The following ADAM22 variants were observed in gnomAD, a reference collection of about 807,000 sequenced individuals.
ADAM22 encodes ADAM metallopeptidase domain 22, also known as disintegrin and metalloproteinase domain-containing protein 22.
In ADAM22, 65 loss-of-function variants were observed where a neutral mutation model predicts 144.6. That is an observed-to-expected ratio of 0.45 (90% CI 0.37 to 0.55). The LOEUF (loss-of-function observed/expected upper bound fraction) is 0.55. ADAM22 is among the 20% of genes least tolerant of loss of function. The pLI is 0.00. For missense variants in ADAM22, 974 were observed against 1,184.9 expected (o/e 0.82, Z 2.61); for synonymous variants, 391 against 412.6 (o/e 0.95, Z 0.63).
intron 26 of ADAM22, among the ~76,000 whole-genome samples, chr7:88,172,790 A>C: frequency 6.6e-6 from 1 of 152,078 alleles, no homozygotes; most frequent in African/African-American, 2.4e-5. Context: ...AAGAACAACC[A>C]GATTTCTTCA....
intron 2 of ADAM22, 144 bp downstream of exon 2, chr7:87,935,330 T>C: frequency 3.0e-6 from 3 of 988,136 alleles, no homozygotes; most frequent in Non-Finnish European, 4.3e-6. Flanking sequence ...TGGCGCTCCC[T>C]GTGCAAAAAA....
At chr7:88,005,320 A>AG (rs981766458) in intron 3 of ADAM22, among the ~76,000 whole-genome samples, 2 of 152,102 alleles carry the variant, frequency 1.3e-5, no homozygotes, top group Admixed American at 6.6e-5. Flanking sequence ...GGGCCAGGGG[A>AG]GGTGGGGAGC....
Position 87,982,670 on chromosome 7 carries a change from CAT to C in ADAM22, c.323+4286_323+4287del, listed in dbSNP as rs3086405. On this transcript the variant is annotated intron_variant, in intron 3 of 31. Coordinates refer to ENST00000413139, the MANE Select transcript of ADAM22 (RefSeq NM_001324418.2). Reference sequence around the variant, plus strand: ...ATTTATTCATCAGATTCAGTTATTACATATATATATATATATATATATATATA... The same window carrying C: ...ATTTATTCATCAGATTCAGTTATTACATATATATATATATATATATATATA... Among the ~76,000 whole-genome samples the C allele has an allele frequency of 1.4e-3, 54 of 38,104 alleles. 3 individuals are homozygous for C. In the East Asian group the frequency reaches 0.033, roughly 23 times the overall value. The allele number at this position is 38,104 out of a possible 152,430, so 25.0% of individuals were successfully genotyped here.
Position 88,166,515 on chromosome 7 carries a change from G to A in ADAM22, c.2191+569G>A, listed in dbSNP as rs1020070361. 2.6e-5 allele frequency among the ~76,000 whole-genome samples: 4 copies of A among 152,182 alleles called. No homozygotes were observed. In the East Asian group the frequency reaches 7.7e-4, roughly 29 times the overall value. On this transcript the variant is annotated intron_variant, in intron 24 of 31. Coordinates refer to ENST00000413139, the MANE Select transcript of ADAM22 (RefSeq NM_001324418.2). The stretch of plus-strand genomic sequence containing the variant: ...GGGGTATAGAAATCAAATGCAGACA[G>A]TTGAAAGAACTTATACATTGGAGGC...
chr7:87,962,514 G>C (rs1204764012), intron 2 of ADAM22, among the ~76,000 whole-genome samples: 2 of 152,160 alleles, frequency 1.3e-5, no homozygotes, highest in South Asian at 2.1e-4. Context: ...GAACAATTCT[G>C]ATTCCTGAAT....
At chr7:88,012,641 C>G (rs921056009) in intron 3 of ADAM22, among the ~76,000 whole-genome samples, 1 of 152,126 alleles carries the variant, frequency 6.6e-6, no homozygotes, top group African/African-American at 2.4e-5. Context: ...AGCTGTAACC[C>G]GTGAATATTA....
chr7:88,019,679 G>A (rs1049625437), intron 3 of ADAM22, among the ~76,000 whole-genome samples: 13 of 151,840 alleles, frequency 8.6e-5, no homozygotes, highest in Non-Finnish European at 1.8e-4. Context: ...AAAACCCTGT[G>A]TCTACTTAAA....
intron 15 of ADAM22, among the ~76,000 whole-genome samples, chr7:88,143,529 C>T (rs1835426441): frequency 6.6e-6 from 1 of 152,116 alleles, no homozygotes. Context: ...CCTATCACTG[C>T]CTTTCTGAAT....
chr7:88,130,256 A>G (rs1831427021), intron 9 of ADAM22, 132 bp from the exon 10 acceptor site: 1 of 667,384 alleles, frequency 1.5e-6, no homozygotes, highest in Non-Finnish European at 2.4e-6. Flanking sequence ...TACAGACAAC[A>G]CATTTTTACA....
intron 3 of ADAM22, among the ~76,000 whole-genome samples, chr7:88,066,484 T>A (rs1811278381): frequency 6.6e-6 from 1 of 152,148 alleles, no homozygotes; most frequent in Admixed American, 6.6e-5. Context: ...TTAAGTGTGA[T>A]GCTTATTTAA....
rs1851649632 is a variant in ADAM22, at chr7:87,975,312, C to G, written c.247-3024C>G. On this transcript the variant is annotated intron_variant, in intron 2 of 31. Coordinates refer to ENST00000413139, the MANE Select transcript of ADAM22 (RefSeq NM_001324418.2). The stretch of plus-strand genomic sequence containing the variant: ...AATTTAATTGTTCATTTTCTGTCTC[C>G]TCTACTATCAGATAAACTCCACAGG... Among the ~76,000 whole-genome samples the G allele has an allele frequency of 2.0e-5, 3 of 152,084 alleles. 1 individual carries two copies. The highest frequency in any genetic ancestry group is 1.3e-4 in the Admixed American group (2 of 15,272).
intron 2 of ADAM22, among the ~76,000 whole-genome samples, chr7:87,966,803 G>A (rs1394661374): frequency 1.7e-5 from 2 of 118,704 alleles, no homozygotes; most frequent in Non-Finnish European, 3.2e-5. Flanking sequence ...AGATCTACAT[G>A]ATGTAATCTC....
rs958494739 is a variant in ADAM22, at chr7:88,163,697, G to A, written c.2076+517G>A. Among the ~76,000 whole-genome samples the A allele has an allele frequency of 6.6e-5, 10 of 152,010 alleles. No homozygotes were observed. The South Asian group carries it at 1.7e-3, about 25-fold the overall frequency. ...TTCTTACAGATGAGTAGAAAAAAAC[G>A]GCATTTGAAAGACTTTTAATTCTAT... On this transcript the variant is annotated intron_variant, in intron 23 of 31. Coordinates refer to ENST00000413139, the MANE Select transcript of ADAM22 (RefSeq NM_001324418.2).
At chr7:88,078,928 A>G (rs1320763009) in intron 4 of ADAM22, among the ~76,000 whole-genome samples, 1 of 152,206 alleles carries the variant, frequency 6.6e-6, no homozygotes. Flanking sequence ...ACTCTGCAGG[A>G]TATTATCCAG....
At chr7:88,162,903 T>C in intron 22 of ADAM22, 109 bp from the exon 23 acceptor site, 1 of 1,146,338 alleles carries the variant, frequency 8.7e-7, no homozygotes, top group East Asian at 2.5e-5. Context: ...CTTTAATAAG[T>C]AATAAATAGA....
At chr7:87,937,715 C>T (rs927169235) in intron 2 of ADAM22, among the ~76,000 whole-genome samples, 3 of 152,056 alleles carry the variant, frequency 2.0e-5, no homozygotes, top group Non-Finnish European at 4.4e-5. Context: ...CTCCCTATAG[C>T]AATAAACATC....
intron 3 of ADAM22, among the ~76,000 whole-genome samples, chr7:88,064,695 C>T (rs1810759849): frequency 6.6e-6 from 1 of 152,088 alleles, no homozygotes; most frequent in Admixed American, 6.6e-5. Context: ...GACTAACTTT[C>T]TAAAGATTTT....
At chr7:88,014,456 C>A (rs1201947170) in intron 3 of ADAM22, among the ~76,000 whole-genome samples, 4 of 152,098 alleles carry the variant, frequency 2.6e-5, no homozygotes, top group African/African-American at 9.7e-5. Context: ...AAGTTATATA[C>A]TTTTGACTGG....
chr7:88,075,975 C>T (rs980194024), intron 4 of ADAM22, among the ~76,000 whole-genome samples: 3 of 152,138 alleles, frequency 2.0e-5, no homozygotes, highest in African/African-American at 2.4e-5. Flanking sequence ...TGGTTTTTGT[C>T]GTTACTTTTA....
Sources: gnomAD v4.1 joint callset for allele counts (sites outside exome capture counted in the v4.1 genomes callset) on GRCh38, gnomAD v4.1.1 for gene constraint, MANE v1.5 for transcripts, NCBI Gene and HGNC (gene_info 2026-07-23, HGNC 2026-07-21) for gene names.